SYNPR: variants seen among roughly 807,000 people sequenced by gnomAD.
SYNPR encodes synaptoporin.
Under a neutral mutation model 32.9 loss-of-function variants are expected in SYNPR, and 23 were observed. The observed-to-expected ratio is 0.70, with a 90% CI of 0.50 to 0.99. The LOEUF (loss-of-function observed/expected upper bound fraction) is 0.99. Ranked by LOEUF, SYNPR falls within the 50% of genes least tolerant of loss-of-function variation. The pLI, the probability that SYNPR is intolerant of heterozygous loss-of-function variation, is 0.00. For missense variants in SYNPR, 318 were observed against 349.3 expected (o/e 0.91, Z 0.71); for synonymous variants, 146 against 135.9 (o/e 1.07, Z -0.52).
chr3:63,352,233 CT>C (rs1352009023), intron 2 of SYNPR, among the ~76,000 whole-genome samples: 3 of 151,572 alleles, frequency 2.0e-5, no homozygotes, highest in Admixed American at 6.6e-5. Flanking sequence ...AGGAGCTGTT[CT>C]TTTTTTTTCC....
chr3:63,486,496 A>G (rs571739300), intron 3 of SYNPR, among the ~76,000 whole-genome samples: 2 of 152,138 alleles, frequency 1.3e-5, no homozygotes, highest in Non-Finnish European at 2.9e-5. Context: ...TTTCTGTCTC[A>G]CTTCTCCACT....
intron 3 of SYNPR, among the ~76,000 whole-genome samples, chr3:63,518,850 A>G (rs190573187): frequency 2.0e-5 from 3 of 152,338 alleles, no homozygotes; most frequent in Non-Finnish European, 4.4e-5. Context: ...AATATAAATT[A>G]TTCTAACCAT....
At chr3:63,219,583 G>A in the SYNPR span, among the ~76,000 whole-genome samples, 1 of 152,140 alleles carries the variant, frequency 6.6e-6, no homozygotes, top group African/African-American at 2.4e-5. Flanking sequence ...GCCTACTGCT[G>A]ACCAGATGTC....
chr3:63,355,165 G>C (rs2087560146), intron 2 of SYNPR, among the ~76,000 whole-genome samples: 1 of 152,022 alleles, frequency 6.6e-6, no homozygotes, highest in Non-Finnish European at 1.5e-5. Flanking sequence ...TGTAGTCCCA[G>C]CTATTCAGGA....
At chr3:63,515,826 GT>G (rs930237324) in intron 3 of SYNPR, among the ~76,000 whole-genome samples, 3 of 152,160 alleles carry the variant, frequency 2.0e-5, no homozygotes, top group Non-Finnish European at 2.9e-5. Context: ...TCATATTACT[GT>G]TTTTTCACAC....
intron 4 of SYNPR, among the ~76,000 whole-genome samples, chr3:63,570,554 G>A (rs1486110018): frequency 6.6e-6 from 1 of 152,100 alleles, no homozygotes; most frequent in Non-Finnish European, 1.5e-5. Context: ...CCACCTGGAA[G>A]GTCCTCCTCC....
At chr3:63,234,823 A>G (rs2086189840) in intron 1 of SYNPR, among the ~76,000 whole-genome samples, 1 of 152,232 alleles carries the variant, frequency 6.6e-6, no homozygotes, top group African/African-American at 2.4e-5. Context: ...TTAACAGGAT[A>G]TGACATAGTT....
intron 2 of SYNPR, among the ~76,000 whole-genome samples, chr3:63,396,936 C>T (rs1361163461): frequency 6.6e-6 from 1 of 152,018 alleles, no homozygotes; most frequent in Middle Eastern, 3.2e-3. Flanking sequence ...AACCCCGTCT[C>T]TACTAAAAAT....
chr3:63,408,794 CT>C (rs2088423072), intron 2 of SYNPR, among the ~76,000 whole-genome samples: 1 of 152,258 alleles, frequency 6.6e-6, no homozygotes, highest in African/African-American at 2.4e-5. Flanking sequence ...AAATGCCAAT[CT>C]TTCTTAGAAA....
chr3:63,503,640 T>C (rs1225669768), intron 3 of SYNPR, among the ~76,000 whole-genome samples: 1 of 152,114 alleles, frequency 6.6e-6, no homozygotes, highest in Admixed American at 6.6e-5. Flanking sequence ...TAGTCATCTA[T>C]TCCAGTTTTG....
At chr3:63,304,969 G>A (rs2086896398) in intron 2 of SYNPR, among the ~76,000 whole-genome samples, 1 of 151,930 alleles carries the variant, frequency 6.6e-6, no homozygotes, top group African/African-American at 2.4e-5. Context: ...GTTATATTCT[G>A]TCGGAGCCTC....
At chr3:63,316,123 T>A (rs2087040889) in intron 2 of SYNPR, among the ~76,000 whole-genome samples, 1 of 152,036 alleles carries the variant, frequency 6.6e-6, no homozygotes. Flanking sequence ...TTTTGATAGG[T>A]TGTTGGATTC....
intron 3 of SYNPR, among the ~76,000 whole-genome samples, chr3:63,500,364 C>T (rs781475024): frequency 1.2e-4 from 19 of 152,052 alleles, no homozygotes; most frequent in Non-Finnish European, 2.6e-4. Flanking sequence ...TCCAGGGTTA[C>T]GAGATCTGAC....
the SYNPR span, among the ~76,000 whole-genome samples, chr3:63,220,910 T>C: frequency 6.6e-6 from 1 of 152,232 alleles, no homozygotes; most frequent in Admixed American, 6.5e-5. Context: ...TCTTTTCTGT[T>C]AACTTAGTTA....
chr3:63,287,372 C>G (rs1317420951), intron 2 of SYNPR, among the ~76,000 whole-genome samples: 1 of 152,082 alleles, frequency 6.6e-6, no homozygotes, highest in Non-Finnish European at 1.5e-5. Flanking sequence ...CTTCTTCTCC[C>G]TTCAGTGTCA....
intron 2 of SYNPR, among the ~76,000 whole-genome samples, chr3:63,318,819 GGT>G (rs2087073706): frequency 6.6e-6 from 1 of 151,898 alleles, no homozygotes; most frequent in African/African-American, 2.4e-5. Flanking sequence ...ATTTTTGAGG[GGT>G]GTTGAAGAGG....
chr3:63,478,201 A>G (rs1250343465), intron 2 of SYNPR, among the ~76,000 whole-genome samples: 4 of 152,232 alleles, frequency 2.6e-5, no homozygotes, highest in Non-Finnish European at 4.4e-5. Flanking sequence ...AGTTAAATAC[A>G]TAACTATCAT....
intron 1 of SYNPR, among the ~76,000 whole-genome samples, chr3:63,242,439 A>G (rs2086255989): frequency 6.6e-6 from 1 of 152,122 alleles, no homozygotes; most frequent in Admixed American, 6.6e-5. Context: ...AAAACTTGCT[A>G]TATATCCAGG....
At chr3:63,326,663 A>C (rs2087172100) in intron 2 of SYNPR, among the ~76,000 whole-genome samples, 2 of 152,234 alleles carry the variant, frequency 1.3e-5, no homozygotes, top group Non-Finnish European at 1.5e-5. Context: ...CTATCTTCTC[A>C]TAGTGATGGC....
Sources: gnomAD v4.1 joint callset for allele counts (sites outside exome capture counted in the v4.1 genomes callset) on GRCh38, gnomAD v4.1.1 for gene constraint, MANE v1.5 for transcripts, NCBI Gene and HGNC (gene_info 2026-07-23, HGNC 2026-07-21) for gene names.